The following KLK2 variants were observed in gnomAD, a reference collection of about 807,000 sequenced individuals.
KLK2 encodes the protein kallikrein related peptidase 2.
A neutral mutation model predicts 23.0 loss-of-function variants in KLK2; 17 were observed. The ratio of observed to expected loss-of-function variants is 0.74; its 90% CI spans 0.51 to 1.11. The LOEUF (loss-of-function observed/expected upper bound fraction) is 1.11, where lower values mean the gene tolerates loss of function less well. Among genes scored for constraint, KLK2 ranks in the 50% least tolerant of loss-of-function variants. KLK2 has a pLI of 0.00. For missense variants in KLK2, 330 were observed against 325.9 expected, an observed-to-expected ratio of 1.01 and a Z score of -0.10; for synonymous variants, 140 against 124.7, an observed-to-expected ratio of 1.12 and a Z score of -0.82.
intron 2 of KLK2, chr19:50,876,123 T>C: frequency 3.3e-6 from 1 of 306,878 alleles, no homozygotes; most frequent in Non-Finnish European, 6.1e-6. Flanking sequence ...CCCTTCCTGG[T>C]TCTGTTCTTT....
At chr19:50,876,303 C>A in intron 2 of KLK2, 169 bp from the exon 3 acceptor site, 1 of 620,462 alleles carries the variant, frequency 1.6e-6, no homozygotes, top group Non-Finnish European at 2.8e-6. Context: ...TGATCACACT[C>A]CTGTTTTCTA....
In KLK2 at chr19:50,880,063, AAG is replaced by A. The variant is rs2090328849; in HGVS notation, c.*1507_*1508del. 2.6e-5 allele frequency: 6 copies of A among 229,362 alleles called. No homozygotes were observed. The highest frequency in any genetic ancestry group is 5.2e-5 in the Non-Finnish European group (6 of 115,728). The allele number at this position is 229,362 out of a possible 1,614,324, so 14.2% of individuals were successfully genotyped here. A position where few individuals can be genotyped will look rare whatever the true frequency, so the allele number is the denominator to read the frequency against. ...ACATTGAGGAATGATACTGAGCCCAAAGAGCATTCAATCATTGTTTTATTTGC... is the reference window on the plus strand; with the variant it reads ...ACATTGAGGAATGATACTGAGCCCAAAGCATTCAATCATTGTTTTATTTGC... On this transcript the variant is annotated 3_prime_UTR_variant, in exon 5 of 5. Transcript: ENST00000325321.
Position 50,875,126 on chromosome 19 carries a change from CTG to C in KLK2, c.206+250_206+251del, listed in dbSNP as rs897332282. 7 of 561,474 alleles carry C rather than the reference CTG, an allele frequency of 1.2e-5. No individual in the cohort carries two copies. The Admixed American group carries it at 1.3e-4, about 10-fold the overall frequency. The allele number at this position is 561,474 out of a possible 1,614,324, so 34.8% of individuals were successfully genotyped here. Reference sequence around the variant, plus strand: ...TCTGGCTCTGGTTGTGTCTGTATGACTGTGTTTTGGTCTCTATGTCCCTCTCT... The same window carrying C: ...TCTGGCTCTGGTTGTGTCTGTATGACTGTTTTGGTCTCTATGTCCCTCTCT... On this transcript the variant is annotated intron_variant, in intron 2 of 4. Coordinates refer to ENST00000325321, the MANE Select transcript of KLK2 (RefSeq NM_005551.5).
chr19:50,877,892 G>T, intron 4 of KLK2: 1 of 170,494 alleles, frequency 5.9e-6, no homozygotes. Flanking sequence ...CCCTCACCCA[G>T]CCTCCCTCAC....
At chr19:50,874,971 G>A (rs2090268352) in intron 2 of KLK2, 91 bp downstream of exon 2, 3 of 1,481,662 alleles carry the variant, frequency 2.0e-6, no homozygotes, top group Middle Eastern at 1.8e-4. Flanking sequence ...TCTCAGGTGA[G>A]GCTTCAGACT....
At chr19:50,876,400 C>G in intron 2 of KLK2, 72 bp from the exon 3 acceptor site, 1 of 1,407,238 alleles carries the variant, frequency 7.1e-7, no homozygotes. Context: ...TGGAGTCTCC[C>G]TTATCCTCCC....
rs2123477313 is a variant in KLK2, at chr19:50,874,895, G to A, written c.206+15G>A. 6.2e-7 allele frequency: 1 copy of A among 1,610,634 alleles called. No homozygotes were observed. The highest frequency in any genetic ancestry group is 1.7e-4 in the Middle Eastern group (1 of 6,040). On this transcript the variant is annotated intron_variant, in intron 2 of 4. Coordinates refer to ENST00000325321, the MANE Select transcript of KLK2 (RefSeq NM_005551.5). ...TGCCTAAAGAAGTAAGTAGGACCCTGGGATCTGGGGAGGGAATGGCTGTGT... is the reference window on the plus strand; with the variant it reads ...TGCCTAAAGAAGTAAGTAGGACCCTAGGATCTGGGGAGGGAATGGCTGTGT...
chr19:50,878,733 A>G lies in KLK2; in HGVS notation c.*174A>G. 1.7e-6 allele frequency: 1 copy of G among 576,342 alleles called. No homozygotes were observed. The highest frequency in any genetic ancestry group is 3.0e-5 in the Admixed American group (1 of 33,326). The allele number at this position is 576,342 out of a possible 1,614,324, so 35.7% of individuals were successfully genotyped here. On this transcript the variant is annotated 3_prime_UTR_variant, in exon 5 of 5. Transcript: ENST00000325321. ...GGTGTGGAGTCCAGGGCTGCTAGGA[A>G]AAGGAATGGGCAGACACAGGTGTAT...
intron 2 of KLK2, chr19:50,876,079 C>T: frequency 4.2e-6 from 1 of 235,512 alleles, no homozygotes; most frequent in Non-Finnish European, 8.3e-6. Flanking sequence ...TCTCTGACTT[C>T]CCGCATCCTT....
In KLK2 at chr19:50,876,476, A is replaced by G. The variant is rs1007714027; in HGVS notation, c.211A>G (p.Ser71Gly). ...ATCCACCCCCTTCCTCCCCAGGAATAGCCAGGTCTGGCTGGGTCGGCACAA... is the reference window on the plus strand; with the variant it reads ...ATCCACCCCCTTCCTCCCCAGGAATGGCCAGGTCTGGCTGGGTCGGCACAA... ...LTAAHCLKKNSQVWLGRHNLF... is the reference protein window; with the variant it reads ...LTAAHCLKKNGQVWLGRHNLF... The change falls in exon 3 of 5, where the codon AGC becomes GGC. Residue 71 changes from serine (S) to glycine (G), a missense_variant. Ser to Gly is a moderately conservative substitution (Grantham distance 56, BLOSUM62 0). Coordinates refer to ENST00000325321, the MANE Select transcript of KLK2 (RefSeq NM_005551.5). 3 of 1,613,848 alleles carry G rather than the reference A, an allele frequency of 1.9e-6. No homozygotes were observed. Among genetic ancestry groups the G allele is most frequent in the Non-Finnish European group, 2.5e-6 (3 of 1,179,942 alleles).
In KLK2 at chr19:50,878,681, C is replaced by T; in HGVS notation, c.*122C>T. The stretch of plus-strand genomic sequence containing the variant: ...ACTCACCTGGCCGAAGCTCGAGCCT[C>T]CTGAGTCCTACTGACCTGTGCTTTC... On this transcript the variant is annotated 3_prime_UTR_variant, in exon 5 of 5. Coordinates refer to ENST00000325321, the MANE Select transcript of KLK2 (RefSeq NM_005551.5). 1.1e-6 allele frequency: 1 copy of T among 949,246 alleles called. No individual in the cohort carries two copies. Among genetic ancestry groups the T allele is most frequent in the Non-Finnish European group, 1.6e-6 (1 of 610,232 alleles). The allele number at this position is 949,246 out of a possible 1,614,324, so 58.8% of individuals were successfully genotyped here.
At position 50,876,525 on chromosome 19, in the gene KLK2, G is replaced by A. The variant is rs995514111; in HGVS notation, c.260G>A (p.Gly87Asp). ...AACCTGTTTGAGCCTGAAGACACAG[G>A]CCAGAGGGTCCCTGTCAGCCACAGC... The part of the protein sequence containing the change: ...RHNLFEPEDT[G>D]QRVPVSHSFP... The change falls in exon 3 of 5, where the codon GGC (glycine) becomes GAC (aspartate). Residue 87 changes from glycine to aspartate, a missense_variant. Gly to Asp is a moderately conservative substitution (Grantham distance 94). Transcript: ENST00000325321. 14 of 1,614,046 alleles carry A rather than the reference G, an allele frequency of 8.7e-6. No individual in the cohort carries two copies. Among genetic ancestry groups the A allele is most frequent in the Admixed American group, 1.7e-5 (1 of 60,008 alleles).
intron 1 of KLK2, chr19:50,874,160 C>T (rs921559061): frequency 2.0e-5 from 3 of 153,066 alleles, no homozygotes; most frequent in Non-Finnish European, 4.4e-5. Flanking sequence ...GCACCCCCAA[C>T]CACAACGGCC....
At position 50,879,221 on chromosome 19, in the gene KLK2, A is replaced by G. The variant is rs2123486594; in HGVS notation, c.*662A>G. The G allele has an allele frequency of 8.6e-6, 2 of 232,982 alleles. No homozygotes were observed. The highest frequency in any genetic ancestry group is 6.0e-5 in the East Asian group (1 of 16,540). The allele number at this position is 232,982 out of a possible 1,614,324, so 14.4% of individuals were successfully genotyped here. A position where few individuals can be genotyped will look rare whatever the true frequency, so the allele number is the denominator to read the frequency against. ...GCAGGACTTACAGAAATAAAGAGCT[A>G]TCATGCTGTGGTTTATTATGGTTTG... On this transcript the variant is annotated 3_prime_UTR_variant, in exon 5 of 5. Coordinates refer to ENST00000325321, the MANE Select transcript of KLK2 (RefSeq NM_005551.5).
At chr19:50,876,294 G>T in intron 2 of KLK2, 178 bp from the exon 3 acceptor site, 1 of 610,172 alleles carries the variant, frequency 1.6e-6, no homozygotes, top group Non-Finnish European at 2.9e-6. Context: ...CCTCTCACAT[G>T]ATCACACTCC....
chr19:50,878,642 A>G lies in KLK2; in HGVS notation c.*83A>G, dbSNP rs748498875. The G allele has an allele frequency of 7.2e-6, 10 of 1,396,888 alleles. No homozygotes were observed. The African/African-American group carries it at 9.9e-5, about 14-fold the overall frequency. 86.5% of individuals were successfully genotyped at this position (1,396,888 alleles called of 1,614,324 possible). A position where few individuals can be genotyped will look rare whatever the true frequency, so the allele number is the denominator to read the frequency against. On this transcript the variant is annotated 3_prime_UTR_variant, in exon 5 of 5. Transcript: ENST00000325321. ...CACTTGGCCTTTCTGGATGCTGGACACCTGAAGCTTGGAACTCACCTGGCC... is the reference window on the plus strand; with the variant it reads ...CACTTGGCCTTTCTGGATGCTGGACGCCTGAAGCTTGGAACTCACCTGGCC...
chr19:50,879,049 G>A lies in KLK2; in HGVS notation c.*490G>A. ...GCCCACGCTGTCCTGGGGGCACTGG[G>A]AAGCCTAGATAAGGCCGTGAGCAGA... On this transcript the variant is annotated 3_prime_UTR_variant, in exon 5 of 5. Coordinates refer to ENST00000325321, the MANE Select transcript of KLK2 (RefSeq NM_005551.5). 1 of 233,738 alleles carries A rather than the reference G, an allele frequency of 4.3e-6. No homozygotes were observed. The highest frequency in any genetic ancestry group is 6.0e-5 in the East Asian group (1 of 16,570). 14.5% of individuals were successfully genotyped at this position (233,738 alleles called of 1,614,324 possible). A position where few individuals can be genotyped will look rare whatever the true frequency, so the allele number is the denominator to read the frequency against.
rs1329396453 is a variant in KLK2, at chr19:50,880,331, ACT to A, written c.*1775_*1776del. Reference sequence around the variant, plus strand: ...TTATAGTAACAAGACGGTGGGGCAAACTCTGATTTCCGTGGGGGAATGTCATG... The same window carrying A: ...TTATAGTAACAAGACGGTGGGGCAAACTGATTTCCGTGGGGGAATGTCATG... On this transcript the variant is annotated 3_prime_UTR_variant, in exon 5 of 5. Coordinates refer to ENST00000325321, the MANE Select transcript of KLK2 (RefSeq NM_005551.5). The A allele has an allele frequency of 4.4e-6, 1 of 226,286 alleles. No homozygotes were observed. Among genetic ancestry groups the A allele is most frequent in the Non-Finnish European group, 8.8e-6 (1 of 113,766 alleles). 14.0% of individuals were successfully genotyped at this position (226,286 alleles called of 1,614,324 possible). A position where few individuals can be genotyped will look rare whatever the true frequency, so the allele number is the denominator to read the frequency against.
intron 3 of KLK2, 45 bp downstream of exon 3, chr19:50,876,803 G>A (rs991666587): frequency 6.2e-7 from 1 of 1,610,432 alleles, no homozygotes; most frequent in Admixed American, 1.7e-5. Context: ...AGATGCCTGG[G>A]TCTGAGGGAA....
Sources: gnomAD v4.1 joint callset for allele counts on GRCh38, gnomAD v4.1.1 for gene constraint, MANE v1.5 for transcripts, NCBI Gene and HGNC (gene_info 2026-07-23, HGNC 2026-07-21) for gene names.